Variants in SFMBT1 observed in about 807,000 individuals in gnomAD.
SFMBT1 encodes Scm like with four mbt domains 1, also known as scm-like with four MBT domains protein 1.
Under a neutral mutation model 108.7 loss-of-function variants are expected in SFMBT1, and 32 were observed. The ratio of observed to expected loss-of-function variants is 0.29; its 90% CI spans 0.22 to 0.40. The LOEUF is 0.40. Ranked by LOEUF, SFMBT1 falls within the 10% of genes least tolerant of loss-of-function variation. The probability of loss-of-function intolerance (pLI) is 1.00; values close to 1 mark genes in which losing one functional copy is unlikely to be tolerated. For synonymous variants in SFMBT1, 348 were observed against 369.5 expected, an observed-to-expected ratio of 0.94 and a Z score of 0.67; for missense variants, 816 against 1,059.6, an observed-to-expected ratio of 0.77 and a Z score of 3.19.
chr3:52,981,072 G>C (rs1375271934), intron 1 of SFMBT1, among the ~76,000 whole-genome samples: 1 of 150,776 alleles, frequency 6.6e-6, no homozygotes, highest in East Asian at 2.0e-4. Context: ...TGAGGCAAGA[G>C]AATCACTTGA....
At chr3:52,962,973 T>C (rs1704014843) in intron 2 of SFMBT1, among the ~76,000 whole-genome samples, 1 of 107,852 alleles carries the variant, frequency 9.3e-6, no homozygotes, top group African/African-American at 3.1e-5. Context: ...TAATATCAGG[T>C]TGAAGTTATT....
chr3:53,040,325 A>G (rs1243449388), intron 1 of SFMBT1, among the ~76,000 whole-genome samples: 3 of 152,228 alleles, frequency 2.0e-5, no homozygotes, highest in East Asian at 3.8e-4. Context: ...AACACTTTAA[A>G]TTGAATATCA....
chr3:52,943,636 A>G, intron 3 of SFMBT1, 43 bp from the exon 4 acceptor site: 1 of 1,613,668 alleles, frequency 6.2e-7, no homozygotes, highest in Non-Finnish European at 8.5e-7. Flanking sequence ...AGTATCTTAA[A>G]TGAGTATTTC....
Position 52,921,751 on chromosome 3 carries a change from A to T in SFMBT1, c.1212T>A (p.Ala404=), listed in dbSNP as rs138007208. 3.1e-6 allele frequency: 5 copies of T among 1,614,024 alleles called. No individual in the cohort carries two copies. In the African/African-American group the frequency reaches 6.7e-5, roughly 22 times the overall value. The change falls in exon 11 of 21, where the codon GCT becomes GCA. Residue 404 remains alanine (A), a synonymous_variant. Transcript: ENST00000394752. Reference sequence around the variant, plus strand: ...AGGAGCCTCTCACTGCAGTGATGGTAGCAACACACACTTCTTCAGGGAGAA... The same window carrying T: ...AGGAGCCTCTCACTGCAGTGATGGTTGCAACACACACTTCTTCAGGGAGAA... ...NPILPEEVCV[A]TITAVRGSYL...
chr3:52,984,876 C>T (rs754029849), intron 1 of SFMBT1, among the ~76,000 whole-genome samples: 5 of 151,828 alleles, frequency 3.3e-5, no homozygotes, highest in East Asian at 1.9e-4. Flanking sequence ...CTTCGCAGCC[C>T]GGCTTCCTTA....
At chr3:53,038,121 A>T (rs1699923757) in intron 1 of SFMBT1, among the ~76,000 whole-genome samples, 1 of 152,154 alleles carries the variant, frequency 6.6e-6, no homozygotes, top group African/African-American at 2.4e-5. Context: ...AAAATGTTTT[A>T]AAAAATTAGC....
chr3:52,957,498 G>C (rs2106838812), intron 2 of SFMBT1, among the ~76,000 whole-genome samples: 1 of 152,276 alleles, frequency 6.6e-6, no homozygotes, highest in East Asian at 1.9e-4. Flanking sequence ...AAAAGAGCCT[G>C]TATAGCCAAG....
rs1346839471 is a variant in SFMBT1 at position 52,969,170 on chromosome 3, GA to G, written c.-43del. 4.3e-6 allele frequency: 7 copies of G among 1,612,824 alleles called. No individual in the cohort carries two copies. In the East Asian group the frequency reaches 1.3e-4, roughly 31 times the overall value. On this transcript the variant is annotated 5_prime_UTR_variant, in exon 2 of 21. Coordinates refer to ENST00000394752, the MANE Select transcript of SFMBT1 (RefSeq NM_016329.4). Reference sequence around the variant, plus strand: ...CAGGCTATATCCTCCCAAAACAAAGGAAAGGCCTATGGTTCTGCTAGGATCT... The same window carrying G: ...CAGGCTATATCCTCCCAAAACAAAGGAAGGCCTATGGTTCTGCTAGGATCT...
intron 3 of SFMBT1, 39 bp downstream of exon 3, chr3:52,954,278 G>A (rs1703703234): frequency 7.4e-7 from 1 of 1,360,442 alleles, no homozygotes. Flanking sequence ...CGAAATAAAG[G>A]GATATAACAC....
In SFMBT1 at chr3:52,934,821, G is replaced by A. The variant is rs1238575173; in HGVS notation, c.445C>T (p.Leu149=). The A allele has an allele frequency of 6.2e-7, 1 of 1,613,030 alleles. No homozygotes were observed. The highest frequency in any genetic ancestry group is 1.1e-5 in the South Asian group (1 of 90,884). Residue 149 remains leucine, a synonymous_variant, in exon 5 of 21, where the codon CTA becomes TTA. Transcript: ENST00000394752. The stretch of plus-strand genomic sequence containing the variant: ...CATGTAGTAATACTCACGCCCTCTA[G>A]CAGCGGAACAGGAGGACTACATGCT... ...IGACSPPVPL[L]EGLRNGRNPL...
chr3:53,020,948 C>T (rs138713663), intron 1 of SFMBT1, among the ~76,000 whole-genome samples: 1 of 152,212 alleles, frequency 6.6e-6, no homozygotes, highest in African/African-American at 2.4e-5. Context: ...ATCCTAGCTA[C>T]ATGAGAGGCC....
intron 1 of SFMBT1, among the ~76,000 whole-genome samples, chr3:53,007,460 C>T (rs1385224186): frequency 6.6e-6 from 1 of 152,166 alleles, no homozygotes; most frequent in African/African-American, 2.4e-5. Context: ...AATAACCACA[C>T]ATATGAGTAC....
chr3:53,009,175 G>T (rs114096370), intron 1 of SFMBT1, among the ~76,000 whole-genome samples: 1 of 151,906 alleles, frequency 6.6e-6, no homozygotes, highest in Non-Finnish European at 1.5e-5. Flanking sequence ...GGCTGGGCAC[G>T]GTGGCTTATG....
chr3:52,974,782 G>A (rs1704459655), intron 1 of SFMBT1, among the ~76,000 whole-genome samples: 1 of 146,490 alleles, frequency 6.8e-6, no homozygotes, highest in Admixed American at 7.1e-5. Context: ...TTGAGCTCAC[G>A]AGTTCGAGAT....
At chr3:53,026,703 C>T (rs181202814) in intron 1 of SFMBT1, among the ~76,000 whole-genome samples, 15 of 152,226 alleles carry the variant, frequency 9.9e-5, no homozygotes, top group South Asian at 2.1e-4. Context: ...GGTTCTTAGC[C>T]GCACTCTCAA....
At position 52,943,569 on chromosome 3, in the gene SFMBT1, A is replaced by C; in HGVS notation, c.148T>G (p.Phe50Val). 1 of 1,614,266 alleles carries C rather than the reference A, an allele frequency of 6.2e-7. No homozygotes were observed. The highest frequency in any genetic ancestry group is 8.5e-7 in the Non-Finnish European group (1 of 1,180,054). Residue 50 changes from phenylalanine to valine, a missense_variant, in exon 4 of 21, where the codon TTT (phenylalanine) becomes GTT (valine). Physicochemically the swap from Phe to Val is conservative, Grantham distance 50. This residue lies in a region of SFMBT1 where 495 missense variants were observed against 607.4 expected (regional missense o/e 0.81). Coordinates refer to ENST00000394752, the MANE Select transcript of SFMBT1 (RefSeq NM_016329.4). ...ACCTCCAGCTTCATCCCAGGAGCAA[A>C]TCCATTTTGCAAACGTGTGTCCACC... ...KHVDTRLQNG[F>V]APGMKLEVAV...
At chr3:52,944,668 C>CG (rs974242277) in intron 3 of SFMBT1, among the ~76,000 whole-genome samples, 30 of 151,988 alleles carry the variant, frequency 2.0e-4, no homozygotes, top group African/African-American at 7.3e-4. Flanking sequence ...TACAGGCGCC[C>CG]GCCACAACAT....
intron 1 of SFMBT1, among the ~76,000 whole-genome samples, chr3:53,034,331 C>T (rs1036501215): frequency 6.6e-6 from 1 of 152,158 alleles, no homozygotes; most frequent in East Asian, 1.9e-4. Context: ...AATCCCAACA[C>T]TGTGGGAGGC....
chr3:52,960,991 A>T (rs763659926), intron 2 of SFMBT1, among the ~76,000 whole-genome samples: 5 of 152,306 alleles, frequency 3.3e-5, no homozygotes, highest in Admixed American at 6.5e-5. Context: ...TTTTAAAAGT[A>T]AGCTGAGCAT....
Sources: gnomAD v4.1 joint callset for allele counts (sites outside exome capture counted in the v4.1 genomes callset) on GRCh38, gnomAD v4.1.1 for gene constraint, gnomAD v4.1.1 regional missense constraint, MANE v1.5 for transcripts, NCBI Gene and HGNC (gene_info 2026-07-23, HGNC 2026-07-21) for gene names.